The following TRHDE variants were observed in gnomAD, a reference collection of about 807,000 sequenced individuals.
The protein encoded by TRHDE is thyrotropin releasing hormone degrading enzyme, also known as thyrotropin-releasing hormone-degrading ectoenzyme.
A neutral mutation model predicts 125.7 loss-of-function variants in TRHDE; 72 were observed. That is an observed-to-expected ratio of 0.57 (90% CI 0.47 to 0.70). The LOEUF (loss-of-function observed/expected upper bound fraction) is 0.70. TRHDE is among the 30% of genes least tolerant of loss of function. TRHDE has a pLI of 0.00. For synonymous variants in TRHDE, 509 were observed against 509.1 expected (o/e 1.00, Z 0.00); for missense variants, 1,110 against 1,327.1 (o/e 0.84, Z 2.54).
At chr12:72,213,794 T>C (rs1006752353) in intron 2 of TRHDE, among the ~76,000 whole-genome samples, 3 of 152,150 alleles carry the variant, frequency 2.0e-5, no homozygotes, top group African/African-American at 7.2e-5. Context: ...TACATATCAG[T>C]TGAATAATTA....
chr12:72,445,685 G>A (rs1394201837), intron 3 of TRHDE, among the ~76,000 whole-genome samples: 4 of 151,870 alleles, frequency 2.6e-5, no homozygotes, highest in Non-Finnish European at 4.4e-5. Flanking sequence ...ATTTATGATT[G>A]ACTCTTTCTA....
intron 2 of TRHDE, among the ~76,000 whole-genome samples, chr12:72,131,140 C>T (rs1875852169): frequency 1.5e-5 from 2 of 132,246 alleles, no homozygotes; most frequent in Admixed American, 9.1e-5. Context: ...GGCGCGATTT[C>T]GACTCACTGA....
chr12:72,492,402 TA>T (rs1424648085), intron 5 of TRHDE, among the ~76,000 whole-genome samples: 2 of 151,950 alleles, frequency 1.3e-5, no homozygotes, highest in African/African-American at 4.8e-5. Context: ...ATTCACAAAG[TA>T]AATTTCTTTC....
chr12:72,460,121 C>T (rs543955301), intron 3 of TRHDE, among the ~76,000 whole-genome samples: 8 of 152,196 alleles, frequency 5.3e-5, no homozygotes, highest in South Asian at 4.1e-4. Flanking sequence ...TATACAAAAC[C>T]GTCCTTAAAA....
chr12:72,351,755 A>T (rs1281011144), intron 2 of TRHDE, among the ~76,000 whole-genome samples: 2 of 152,004 alleles, frequency 1.3e-5, no homozygotes, highest in African/African-American at 4.8e-5. Flanking sequence ...ATATCTTTCC[A>T]TTGCACTTAA....
intron 15 of TRHDE, among the ~76,000 whole-genome samples, chr12:72,650,957 C>A (rs1336774749): frequency 6.6e-6 from 1 of 152,048 alleles, no homozygotes; most frequent in East Asian, 1.9e-4. Context: ...AACATGTCAC[C>A]AATAATTGAG....
chr12:72,630,336 T>G (rs1592582963), intron 15 of TRHDE, among the ~76,000 whole-genome samples: 1 of 151,792 alleles, frequency 6.6e-6, no homozygotes, highest in African/African-American at 2.4e-5. Context: ...CAGAGAGAGA[T>G]ACCGGGAGTA....
chr12:72,284,248 A>G (rs1404952659), intron 1 of TRHDE, among the ~76,000 whole-genome samples: 1 of 152,194 alleles, frequency 6.6e-6, no homozygotes, highest in African/African-American at 2.4e-5. Context: ...CAACCTGTAT[A>G]GCATAAAGCT....
At chr12:72,431,738 T>A (rs1874492457) in intron 3 of TRHDE, 1 of 152,348 alleles carries the variant, frequency 6.6e-6, no homozygotes, top group African/African-American at 2.4e-5. Flanking sequence ...TTGGCATACC[T>A]GTTACATGTT....
At chr12:72,436,746 T>C (rs543856544) in intron 3 of TRHDE, among the ~76,000 whole-genome samples, 2 of 152,020 alleles carry the variant, frequency 1.3e-5, no homozygotes, top group African/African-American at 2.4e-5. Flanking sequence ...AATTTTCTTA[T>C]TGTCTTGCTT....
At chr12:72,507,107 C>T (rs1878387849) in intron 6 of TRHDE, among the ~76,000 whole-genome samples, 1 of 152,172 alleles carries the variant, frequency 6.6e-6, no homozygotes, top group African/African-American at 2.4e-5. Context: ...TTCCTGAGGC[C>T]TCCCAACCCA....
rs572674693 is a variant in TRHDE at position 72,336,607 on chromosome 12, A to C, written c.1189-41388A>C. 2.0e-5 allele frequency among the ~76,000 whole-genome samples: 3 copies of C among 152,312 alleles called. No individual in the cohort carries two copies. In the South Asian group the frequency reaches 6.2e-4, roughly 32 times the overall value. On this transcript the variant is annotated intron_variant, in intron 2 of 18. Coordinates refer to ENST00000261180, the MANE Select transcript of TRHDE (RefSeq NM_013381.3). Reference sequence around the variant, plus strand: ...TGAGACTGGATAATTTACAAACAGTAGAAGCGTATTTGGCTCATGATTCCG... The same window carrying C: ...TGAGACTGGATAATTTACAAACAGTCGAAGCGTATTTGGCTCATGATTCCG...
chr12:72,319,039 G>GGT (rs1411069088), intron 2 of TRHDE, among the ~76,000 whole-genome samples: 2 of 152,124 alleles, frequency 1.3e-5, no homozygotes, highest in Non-Finnish European at 2.9e-5. Flanking sequence ...GAAGCTGGAC[G>GGT]GTGTACCATG....
chr12:72,374,541 T>C (rs1346864303), intron 2 of TRHDE, among the ~76,000 whole-genome samples: 1 of 152,034 alleles, frequency 6.6e-6, no homozygotes, highest in Non-Finnish European at 1.5e-5. Context: ...GATCAATGTA[T>C]TGAAACCTGG....
chr12:72,446,392 C>T (rs1203456047), intron 3 of TRHDE, among the ~76,000 whole-genome samples: 1 of 151,952 alleles, frequency 6.6e-6, no homozygotes, highest in Admixed American at 6.6e-5. Flanking sequence ...CAGTACCAGC[C>T]ACTGCAAAAA....
intron 2 of TRHDE, among the ~76,000 whole-genome samples, chr12:72,371,246 T>C (rs567251509): frequency 9.9e-5 from 15 of 151,594 alleles, no homozygotes; most frequent in African/African-American, 3.6e-4. Context: ...CCTTATTACA[T>C]ACTTCATACT....
intron 2 of TRHDE, among the ~76,000 whole-genome samples, chr12:72,140,793 A>G (rs1876094043): frequency 6.6e-6 from 1 of 152,154 alleles, no homozygotes; most frequent in African/African-American, 2.4e-5. Flanking sequence ...GTATATGCTG[A>G]GACAGTTATT....
chr12:72,143,728 A>G (rs2139316093), intron 2 of TRHDE, among the ~76,000 whole-genome samples: 1 of 151,886 alleles, frequency 6.6e-6, no homozygotes, highest in Non-Finnish European at 1.5e-5. Flanking sequence ...GGTTCTTTTT[A>G]GTCTCTCCTT....
At chr12:72,469,633 CA>C in intron 3 of TRHDE, 124 bp from the exon 4 acceptor site, 10 of 1,082,338 alleles carry the variant, frequency 9.2e-6, no homozygotes, top group Non-Finnish European at 1.3e-5. Flanking sequence ...TTTAATTTGC[CA>C]AAAAAATCAC....
Sources: gnomAD v4.1 joint callset for allele counts (sites outside exome capture counted in the v4.1 genomes callset) on GRCh38, gnomAD v4.1.1 for gene constraint, MANE v1.5 for transcripts, NCBI Gene and HGNC (gene_info 2026-07-23, HGNC 2026-07-21) for gene names.